Variants in EDA observed in about 807,000 individuals in gnomAD.
EDA encodes ectodysplasin-A.
A neutral mutation model predicts 23.6 loss-of-function variants in EDA; 2 were observed. The ratio of observed to expected loss-of-function variants is 0.08; its 90% CI spans 0.03 to 0.27. The LOEUF (loss-of-function observed/expected upper bound fraction) is 0.27. EDA is among the 10% of genes least tolerant of loss of function. EDA has a pLI of 1.00. For synonymous variants in EDA, 131 were observed against 132.0 expected (o/e 0.99, Z 0.05); for missense variants, 229 against 324.2 (o/e 0.71, Z 2.26).
chrX:69,937,709 C>G (rs2018695556), intron 1 of EDA: 1 of 1,168,162 alleles, frequency 8.6e-7, no homozygotes, highest in African/African-American at 1.8e-5. Flanking sequence ...TGTCCTCTGT[C>G]AAATTAAATT....
chrX:69,789,210 T>C (rs764316773), intron 1 of EDA, among the ~76,000 whole-genome samples: 1 of 111,951 alleles, frequency 8.9e-6, no homozygotes, highest in Admixed American at 9.5e-5. Context: ...CCTAGTGAGA[T>C]GAACCCGGTA....
chrX:69,687,496 T>A (rs751691950), intron 1 of EDA: 1 of 111,629 alleles, frequency 9.0e-6, no homozygotes, highest in East Asian at 2.8e-4. Flanking sequence ...TTCAACAGTG[T>A]TTTGTAGTTT....
At chrX:69,891,371 TC>T (rs1158013953) in intron 1 of EDA, among the ~76,000 whole-genome samples, 1 of 111,786 alleles carries the variant, frequency 8.9e-6, no homozygotes, top group African/African-American at 3.3e-5. Flanking sequence ...TGCCCAGCAA[TC>T]CCATTACTGG....
At chrX:69,827,803 G>A (rs1463869423) in intron 1 of EDA, among the ~76,000 whole-genome samples, 4 of 111,665 alleles carry the variant, frequency 3.6e-5, no homozygotes, top group African/African-American at 1.3e-4. Context: ...CAGTTTTTCT[G>A]CTCTGTTTTT....
chrX:69,738,975 A>G (rs918670375), intron 1 of EDA, among the ~76,000 whole-genome samples: 1 of 111,160 alleles, frequency 9.0e-6, no homozygotes, highest in Admixed American at 9.6e-5. Flanking sequence ...CTTGTTGGAT[A>G]GAGTGTTATA....
At chrX:69,851,157 T>TTGTGTTTG (rs1555890821) in intron 1 of EDA, among the ~76,000 whole-genome samples, 1 of 101,899 alleles carries the variant, frequency 9.8e-6, no homozygotes, top group Non-Finnish European at 2.0e-5. Context: ...GATCAAGGGT[T>TTGTGTTTG]TGTGTGTGTG....
chrX:69,779,461 T>A (rs2014877647), intron 1 of EDA, among the ~76,000 whole-genome samples: 1 of 111,344 alleles, frequency 9.0e-6, no homozygotes, highest in African/African-American at 3.3e-5. Context: ...TTATCTGAAA[T>A]ATCCAGAATA....
At chrX:70,003,185 G>A (rs1027496993) in intron 2 of EDA, among the ~76,000 whole-genome samples, 3 of 111,596 alleles carry the variant, frequency 2.7e-5, no homozygotes, top group Non-Finnish European at 5.6e-5. Context: ...ATTCGCCCAA[G>A]GTCAGACAGC....
intron 1 of EDA, among the ~76,000 whole-genome samples, chrX:69,875,010 T>C (rs934219517): frequency 5.3e-5 from 6 of 112,238 alleles, no homozygotes; most frequent in Non-Finnish European, 9.4e-5. Flanking sequence ...GGTAACACAT[T>C]CCATGCTCAT....
chrX:69,825,222 T>C (rs1291070110), intron 1 of EDA, among the ~76,000 whole-genome samples: 54 of 91,870 alleles, frequency 5.9e-4, no homozygotes, highest in African/African-American at 1.6e-3. Context: ...TAAAATGAGT[T>C]AGGGAGGATT....
chrX:69,853,997 T>A (rs1034945700), intron 1 of EDA, among the ~76,000 whole-genome samples: 15 of 111,814 alleles, frequency 1.3e-4, no homozygotes, highest in African/African-American at 3.9e-4. Flanking sequence ...AGATAATAAC[T>A]GTTGTTTTGT....
intron 1 of EDA, among the ~76,000 whole-genome samples, chrX:69,669,088 C>T (rs1181379218): frequency 3.6e-5 from 4 of 111,854 alleles, no homozygotes; most frequent in Non-Finnish European, 7.5e-5. Context: ...GATATAAGCA[C>T]AGCCACTTTG....
chrX:69,919,314 A>G (rs921804013), intron 1 of EDA, among the ~76,000 whole-genome samples: 7 of 112,435 alleles, frequency 6.2e-5, no homozygotes, highest in Admixed American at 1.9e-4. Flanking sequence ...ACTAGGGCTA[A>G]TAAGCTATAA....
At chrX:69,956,578 A>C (rs1455682047) in intron 1 of EDA, among the ~76,000 whole-genome samples, 1 of 110,578 alleles carries the variant, frequency 9.0e-6, no homozygotes, top group African/African-American at 3.3e-5. Context: ...TCCTGACCTC[A>C]GGTGATCCGC....
At chrX:69,649,589 C>CTT (rs34800169) in intron 1 of EDA, among the ~76,000 whole-genome samples, 2,285 of 98,696 alleles carry the variant, frequency 0.023, 59 homozygotes, top group African/African-American at 0.08. Flanking sequence ...GAAATACAGT[C>CTT]TTTTTTTTTT....
intron 1 of EDA, among the ~76,000 whole-genome samples, chrX:69,746,450 T>G (rs1224060900): frequency 8.9e-6 from 1 of 112,003 alleles, no homozygotes; most frequent in Non-Finnish European, 1.9e-5. Context: ...CCATTGTGTC[T>G]TCTTGGAGAC....
chrX:69,676,279 C>G (rs1195062410), intron 1 of EDA, among the ~76,000 whole-genome samples: 1 of 111,200 alleles, frequency 9.0e-6, no homozygotes, highest in African/African-American at 3.3e-5. Context: ...TGTAGCAGGG[C>G]AAGGGTAGAA....
intron 1 of EDA, among the ~76,000 whole-genome samples, chrX:69,824,442 T>C (rs1443018728): frequency 1.8e-5 from 2 of 110,596 alleles, no homozygotes; most frequent in East Asian, 5.8e-4. Flanking sequence ...TCCTAGGTAT[T>C]TTATTCTCTT....
At chrX:69,942,452 C>T (rs1291433932) in intron 1 of EDA, among the ~76,000 whole-genome samples, 1 of 111,391 alleles carries the variant, frequency 9.0e-6, no homozygotes, top group African/African-American at 3.3e-5. Flanking sequence ...GATATTTTCA[C>T]TGAATATACT....
Sources: allele counts gnomAD v4.1 joint callset (sites outside exome capture counted in the v4.1 genomes callset), GRCh38; gene constraint gnomAD v4.1.1; transcripts MANE v1.5; gene names NCBI Gene and HGNC (gene_info 2026-07-23, HGNC 2026-07-21).